TENT2: variants seen among roughly 807,000 people sequenced by gnomAD.
TENT2 encodes the protein poly(A) RNA polymerase GLD2.
TENT2 carries 44 observed loss-of-function variants against 72.2 expected under a neutral mutation model. The observed-to-expected ratio is 0.61, with a 90% confidence interval of 0.48 to 0.78. TENT2 has a LOEUF of 0.78. TENT2 is among the 30% of genes least tolerant of loss of function. TENT2 has a pLI of 0.00. For missense variants in TENT2, 541 were observed against 569.6 expected (o/e 0.95, Z 0.51); for synonymous variants, 212 against 192.5 (o/e 1.10, Z -0.84).
At position 79,682,074 on chromosome 5, in the gene TENT2, T is replaced by G; in HGVS notation, c.1380+13T>G. On this transcript the variant is annotated intron_variant, in intron 14 of 14. Coordinates refer to ENST00000453514, the MANE Select transcript of TENT2 (RefSeq NM_001114394.3). ...TCAATTTTTAAAGGTAAACAATGCA[T>G]TAGATCAACCCTAGAAACATTAGTA... 1.3e-6 allele frequency: 2 copies of G among 1,591,284 alleles called. No homozygotes were observed. The highest frequency in any genetic ancestry group is 1.7e-6 in the Non-Finnish European group (2 of 1,161,014).
chr5:79,613,931 C>T (rs1757252056), intron 1 of TENT2: 1 of 152,068 alleles, frequency 6.6e-6, no homozygotes, highest in African/African-American at 2.4e-5. Flanking sequence ...GGTTTTCATT[C>T]TAGGTATATT....
At position 79,650,503 on chromosome 5, in the gene TENT2, T is replaced by A. The variant is rs976997343; in HGVS notation, c.1027+1313T>A. Among the ~76,000 whole-genome samples, 3 of 152,068 alleles carry A rather than the reference T, an allele frequency of 2.0e-5. No homozygotes were observed. The South Asian group carries it at 6.2e-4, about 32-fold the overall frequency. On this transcript the variant is annotated intron_variant, in intron 10 of 14. Transcript: ENST00000453514. ...CTCAATAATAATTATTACAGTGTAGTCATTAAAAAAAAGTATTGAAAAATA... is the reference window on the plus strand; with the variant it reads ...CTCAATAATAATTATTACAGTGTAGACATTAAAAAAAAGTATTGAAAAATA...
intron 10 of TENT2, among the ~76,000 whole-genome samples, chr5:79,650,211 T>C (rs1792669300): frequency 6.6e-6 from 1 of 152,150 alleles, no homozygotes; most frequent in Non-Finnish European, 1.5e-5. Flanking sequence ...ATAATACTCA[T>C]TTCTTCATTC....
intron 11 of TENT2, among the ~76,000 whole-genome samples, chr5:79,666,035 A>G (rs1807474579): frequency 1.4e-5 from 2 of 144,336 alleles, no homozygotes; most frequent in South Asian, 2.2e-4. Flanking sequence ...CCAGGCTGGG[A>G]TGGAGTGCAG....
chr5:79,669,094 A>G (rs1284914865), intron 12 of TENT2, 66 bp downstream of exon 12: 29 of 1,505,154 alleles, frequency 1.9e-5, no homozygotes, highest in Non-Finnish European at 2.5e-5. Flanking sequence ...ATGTATATAT[A>G]TGAATACGAA....
intron 10 of TENT2, 92 bp downstream of exon 10, chr5:79,649,282 GTTTT>G: frequency 8.4e-7 from 1 of 1,196,842 alleles, no homozygotes; most frequent in Non-Finnish European, 1.1e-6. Context: ...AAATAGTATT[GTTTT>G]AAAAGTTCTT....
chr5:79,641,830 C>T (rs1392774100), intron 6 of TENT2, among the ~76,000 whole-genome samples: 1 of 150,818 alleles, frequency 6.6e-6, no homozygotes, highest in Non-Finnish European at 1.5e-5. Flanking sequence ...TGAATACTTG[C>T]ATTATACTTA....
intron 11 of TENT2, among the ~76,000 whole-genome samples, chr5:79,667,598 G>T (rs977830884): frequency 1.3e-5 from 2 of 152,104 alleles, no homozygotes; most frequent in Non-Finnish European, 2.9e-5. Context: ...ATGTTGAGGA[G>T]TATCAACTTT....
At chr5:79,675,844 A>G (rs1816865243) in intron 12 of TENT2, among the ~76,000 whole-genome samples, 1 of 152,164 alleles carries the variant, frequency 6.6e-6, no homozygotes, top group Non-Finnish European at 1.5e-5. Context: ...CTTACTAGAA[A>G]GGTCAGAGCT....
At chr5:79,635,623 C>T (rs1779501744) in intron 4 of TENT2, among the ~76,000 whole-genome samples, 1 of 152,012 alleles carries the variant, frequency 6.6e-6, no homozygotes, top group African/African-American at 2.4e-5. Flanking sequence ...TGCGCGATCT[C>T]GGCTCATTGC....
At chr5:79,657,313 C>T (rs1221762856) in intron 11 of TENT2, among the ~76,000 whole-genome samples, 1 of 151,978 alleles carries the variant, frequency 6.6e-6, no homozygotes, top group Non-Finnish European at 1.5e-5. Context: ...AGTTTTCTTC[C>T]TACTATTTTA....
At chr5:79,676,187 C>CACACACAT (rs1817166935) in intron 12 of TENT2, among the ~76,000 whole-genome samples, 1 of 146,674 alleles carries the variant, frequency 6.8e-6, no homozygotes. Context: ...CACACACACA[C>CACACACAT]ACAGCCATAT....
At chr5:79,638,615 A>G (rs1782051008) in intron 4 of TENT2, among the ~76,000 whole-genome samples, 2 of 152,122 alleles carry the variant, frequency 1.3e-5, no homozygotes, top group African/African-American at 4.8e-5. Context: ...GGGAGAAGGT[A>G]TTACCTATAA....
intron 12 of TENT2, among the ~76,000 whole-genome samples, chr5:79,669,267 C>T (rs1811015345): frequency 6.6e-6 from 1 of 152,034 alleles, no homozygotes; most frequent in Non-Finnish European, 1.5e-5. Flanking sequence ...ATTTATAGTT[C>T]AGTAGGCCCA....
chr5:79,667,870 C>G (rs552130582), intron 11 of TENT2, among the ~76,000 whole-genome samples: 1 of 116,464 alleles, frequency 8.6e-6, no homozygotes, highest in African/African-American at 5.2e-5. Flanking sequence ...TATCTATAAG[C>G]CCAGGATTGA....
At chr5:79,648,878 T>C in intron 9 of TENT2, 184 bp from the exon 10 acceptor site, 2 of 833,896 alleles carry the variant, frequency 2.4e-6, no homozygotes, top group Non-Finnish European at 3.7e-6. Flanking sequence ...GGCATTTTAA[T>C]AATTGATAAT....
intron 4 of TENT2, among the ~76,000 whole-genome samples, chr5:79,636,761 G>A (rs1159216189): frequency 1.3e-5 from 2 of 151,712 alleles, no homozygotes; most frequent in African/African-American, 4.8e-5. Flanking sequence ...AGGTCTTTAG[G>A]TTCTCTCAAT....
At chr5:79,641,320 A>G (rs903142360) in intron 6 of TENT2, 124 bp downstream of exon 6, 12 of 755,938 alleles carry the variant, frequency 1.6e-5, no homozygotes, top group African/African-American at 5.5e-5. Context: ...TTTGTTTACC[A>G]TAATTGCAGG....
chr5:79,640,804 T>C, intron 4 of TENT2, 47 bp from the exon 5 acceptor site: 2 of 1,252,450 alleles, frequency 1.6e-6, no homozygotes, highest in East Asian at 2.4e-5. Context: ...GCAATTACTT[T>C]TACATTGCTG....
Sources: gnomAD v4.1 joint callset for allele counts (sites outside exome capture counted in the v4.1 genomes callset) on GRCh38, gnomAD v4.1.1 for gene constraint, MANE v1.5 for transcripts, NCBI Gene and HGNC (gene_info 2026-07-23, HGNC 2026-07-21) for gene names.